Variants in SNTG2 observed in about 807,000 individuals in gnomAD.
The protein encoded by SNTG2 is gamma-2-syntrophin.
Under a neutral mutation model 70.9 loss-of-function variants are expected in SNTG2, and 74 were observed. The ratio of observed to expected loss-of-function variants is 1.04; its 90% CI spans 0.86 to 1.27. The LOEUF is 1.27. Among genes scored for constraint, SNTG2 ranks in the 50% most tolerant of loss-of-function variants. SNTG2 has a pLI of 0.00. For synonymous variants in SNTG2, 278 were observed against 273.8 expected, an observed-to-expected ratio of 1.02 and a Z score of -0.15; for missense variants, 717 against 690.7, an observed-to-expected ratio of 1.04 and a Z score of -0.43.
chr2:1,226,303 C>T (rs1049906512), intron 9 of SNTG2, among the ~76,000 whole-genome samples: 2 of 152,186 alleles, frequency 1.3e-5, no homozygotes, highest in African/African-American at 4.8e-5. Context: ...ATGTGTGTTT[C>T]TCAAAAACGG....
intron 1 of SNTG2, among the ~76,000 whole-genome samples, chr2:999,384 A>T (rs758609458): frequency 3.9e-5 from 6 of 152,092 alleles, no homozygotes; most frequent in Non-Finnish European, 8.8e-5. Flanking sequence ...ATTCAACCAT[A>T]TGCTGCTTAC....
chr2:1,198,431 A>G (rs1329542971), intron 8 of SNTG2, among the ~76,000 whole-genome samples: 1 of 152,018 alleles, frequency 6.6e-6, no homozygotes, highest in Non-Finnish European at 1.5e-5. Flanking sequence ...CTAAGTGGAA[A>G]GTATATAACA....
At chr2:1,289,484 C>G (rs1679901445) in intron 14 of SNTG2, among the ~76,000 whole-genome samples, 1 of 152,166 alleles carries the variant, frequency 6.6e-6, no homozygotes, top group African/African-American at 2.4e-5. Flanking sequence ...CCCTGGAAGC[C>G]CATGGCACAC....
chr2:1,222,119 C>A (rs866238351), intron 9 of SNTG2, among the ~76,000 whole-genome samples: 1 of 107,672 alleles, frequency 9.3e-6, no homozygotes, highest in African/African-American at 4.6e-5. Flanking sequence ...CTCTCTGTCT[C>A]TCTCTGTCTC....
At chr2:1,032,124 A>G (rs1229863841) in intron 1 of SNTG2, among the ~76,000 whole-genome samples, 1 of 152,226 alleles carries the variant, frequency 6.6e-6, no homozygotes, top group South Asian at 2.1e-4. Context: ...ATGAAGCGTC[A>G]TCAACACCAA....
At chr2:1,056,834 G>T (rs1413649783) in intron 1 of SNTG2, among the ~76,000 whole-genome samples, 1 of 57,360 alleles carries the variant, frequency 1.7e-5, no homozygotes, top group Non-Finnish European at 3.2e-5. Flanking sequence ...GGAGAGGGCG[G>T]CGCCACGCTG....
intron 4 of SNTG2, among the ~76,000 whole-genome samples, chr2:1,131,738 A>C (rs1185156588): frequency 6.7e-6 from 1 of 149,212 alleles, no homozygotes; most frequent in African/African-American, 2.5e-5. Context: ...TGCAACCTCC[A>C]CCTCCCGGGT....
chr2:1,219,717 A>G (rs1674629095), intron 9 of SNTG2, among the ~76,000 whole-genome samples: 1 of 134,672 alleles, frequency 7.4e-6, no homozygotes, highest in South Asian at 2.6e-4. Context: ...AGGCGAGGGG[A>G]GGGGAGGCGG....
intron 6 of SNTG2, among the ~76,000 whole-genome samples, chr2:1,158,720 G>A (rs1003314937): frequency 2.6e-5 from 4 of 152,112 alleles, no homozygotes; most frequent in African/African-American, 9.7e-5. Flanking sequence ...GATGGATCTT[G>A]GAATTTAGCC....
At chr2:1,099,855 T>A (rs1190580460) in intron 4 of SNTG2, among the ~76,000 whole-genome samples, 1 of 152,208 alleles carries the variant, frequency 6.6e-6, no homozygotes, top group Admixed American at 6.5e-5. Context: ...GGGTAAAGAT[T>A]CTTTTTCGGC....
chr2:1,168,151 C>G (rs1169744375), intron 7 of SNTG2, among the ~76,000 whole-genome samples: 62 of 132,292 alleles, frequency 4.7e-4, no homozygotes, highest in Non-Finnish European at 7.6e-4. Flanking sequence ...CTGAAACCTA[C>G]AAGCCGCCCA....
At chr2:1,318,018 A>G (rs543114138) in intron 16 of SNTG2, among the ~76,000 whole-genome samples, 1 of 152,348 alleles carries the variant, frequency 6.6e-6, no homozygotes, top group African/African-American at 2.4e-5. Flanking sequence ...TGCACACTGT[A>G]TGTGATAAAT....
intron 9 of SNTG2, among the ~76,000 whole-genome samples, chr2:1,221,186 C>G (rs1674739041): frequency 6.6e-6 from 1 of 152,160 alleles, no homozygotes; most frequent in Non-Finnish European, 1.5e-5. Flanking sequence ...CACTGTGTGA[C>G]ACTGCTTCCG....
At chr2:1,112,397 G>A (rs1380515338) in intron 4 of SNTG2, among the ~76,000 whole-genome samples, 1 of 151,542 alleles carries the variant, frequency 6.6e-6, no homozygotes, top group African/African-American at 2.4e-5. Flanking sequence ...GTACTTGGAG[G>A]AGGATCATGT....
chr2:1,356,543 A>G (rs557468561), intron 16 of SNTG2, among the ~76,000 whole-genome samples: 115 of 152,140 alleles, frequency 7.6e-4, no homozygotes, highest in Non-Finnish European at 1.4e-3. Flanking sequence ...ATTGGTTTAT[A>G]TGTGTCTTTA....
At chr2:1,033,520 G>T (rs1660957037) in intron 1 of SNTG2, among the ~76,000 whole-genome samples, 1 of 136,236 alleles carries the variant, frequency 7.3e-6, no homozygotes, top group South Asian at 2.2e-4. Context: ...GACGGGGATG[G>T]AAACAGGGTA....
chr2:955,686 C>T (rs540401796), intron 1 of SNTG2, among the ~76,000 whole-genome samples: 1 of 152,346 alleles, frequency 6.6e-6, no homozygotes, highest in South Asian at 2.1e-4. Flanking sequence ...TGGGGACGCA[C>T]TCAGATTCCA....
rs1410288758 is a variant in SNTG2 at position 1,137,816 on chromosome 2, G to T, written c.411+7G>T. On this transcript the variant is annotated splice_region_variant and intron_variant, in intron 6 of 16. Coordinates refer to ENST00000308624, the MANE Select transcript of SNTG2 (RefSeq NM_018968.4). Reference sequence around the variant, plus strand: ...TGCAACTCATGAAGAAGTGGTAAGTGAATTACATTTTATAGTTATTCTGTT... The same window carrying T: ...TGCAACTCATGAAGAAGTGGTAAGTTAATTACATTTTATAGTTATTCTGTT... 1.2e-6 allele frequency: 2 copies of T among 1,606,838 alleles called. No individual in the cohort carries two copies. The highest frequency in any genetic ancestry group is 2.2e-5 in the South Asian group (2 of 90,884).
At chr2:1,254,345 C>T (rs1217778552) in intron 12 of SNTG2, among the ~76,000 whole-genome samples, 1 of 152,148 alleles carries the variant, frequency 6.6e-6, no homozygotes, top group Admixed American at 6.5e-5. Context: ...CCTCGTTAGC[C>T]AGAGTATTTA....
Sources: gnomAD v4.1 joint callset for allele counts (sites outside exome capture counted in the v4.1 genomes callset) on GRCh38, gnomAD v4.1.1 for gene constraint, MANE v1.5 for transcripts, NCBI Gene and HGNC (gene_info 2026-07-23, HGNC 2026-07-21) for gene names.